Variants in PDZK1 observed in about 807,000 individuals in gnomAD.
PDZK1 encodes the protein PDZ domain containing 1, also known as Na(+)/H(+) exchange regulatory cofactor NHE-RF3.
PDZK1 carries 23 observed loss-of-function variants against 38.1 expected under a neutral mutation model. That is an observed-to-expected ratio of 0.60 (90% CI 0.43 to 0.85). The LOEUF is 0.85. PDZK1 is among the 40% of genes least tolerant of loss of function. The probability of loss-of-function intolerance (pLI) is 0.00; values close to 1 mark genes in which losing one functional copy is unlikely to be tolerated. For synonymous variants in PDZK1, 98 were observed against 186.2 expected (o/e 0.53, Z 3.86); for missense variants, 297 against 504.3 (o/e 0.59, Z 3.94).
intron 6 of PDZK1, chr1:145,674,091 T>C (rs1340457907): frequency 2.8e-6 from 2 of 712,818 alleles, no homozygotes; most frequent in African/African-American, 3.9e-5. Context: ...TGTGTATACA[T>C]GTACACAAAT....
At chr1:145,675,815 G>A (rs1383027075) in intron 6 of PDZK1, among the ~76,000 whole-genome samples, 10 of 151,382 alleles carry the variant, frequency 6.6e-5, no homozygotes, top group South Asian at 2.1e-4. Context: ...TCAGGAGTTC[G>A]AGACCAGCCT....
chr1:145,692,633 C>T (rs587744013), intron 1 of PDZK1, among the ~76,000 whole-genome samples: 1 of 151,850 alleles, frequency 6.6e-6, no homozygotes, highest in East Asian at 1.9e-4. Flanking sequence ...ATCGCTTGGA[C>T]CTGGGGGGCA....
At chr1:145,690,024 A>G in intron 1 of PDZK1, among the ~76,000 whole-genome samples, 1 of 152,362 alleles carries the variant, frequency 6.6e-6, no homozygotes, top group East Asian at 1.9e-4. Flanking sequence ...TCGAGCATTG[A>G]GGCAAGAAAA....
chr1:145,681,490 T>G (rs2624757), intron 4 of PDZK1, among the ~76,000 whole-genome samples: 6 of 149,628 alleles, frequency 4.0e-5, no homozygotes, highest in Admixed American at 6.6e-5. Context: ...GTGTTTCACC[T>G]TGTTAGCCAG....
rs1654919813 is a variant in PDZK1 at position 145,687,805 on chromosome 1, C to G, written c.210+7G>C. 3 of 1,604,202 alleles carry G rather than the reference C, an allele frequency of 1.9e-6. No individual in the cohort carries two copies. The highest frequency in any genetic ancestry group is 2.6e-6 in the Non-Finnish European group (3 of 1,170,974). On this transcript the variant is annotated splice_region_variant and intron_variant, in intron 2 of 8. Transcript: ENST00000417171. ...CCTGGAAGAAAAGCCCCAAATGTCTCATTCACCTGCATATGTTCTTCTTTG... is the reference window on the plus strand; with the variant it reads ...CCTGGAAGAAAAGCCCCAAATGTCTGATTCACCTGCATATGTTCTTCTTTG...
intron 1 of PDZK1, among the ~76,000 whole-genome samples, chr1:145,689,335 T>C (rs1187323588): frequency 1.3e-5 from 2 of 152,132 alleles, no homozygotes; most frequent in Non-Finnish European, 2.9e-5. Context: ...TGCTTCAGGC[T>C]CCCAAAGTGC....
chr1:145,679,561 C>G (rs1553699924), intron 5 of PDZK1, among the ~76,000 whole-genome samples: 1 of 152,050 alleles, frequency 6.6e-6, no homozygotes, highest in Non-Finnish European at 1.5e-5. Flanking sequence ...TGATACAGAT[C>G]TGCCTTCAGA....
At chr1:145,701,881 A>T (rs1187322442) in intron 1 of PDZK1, among the ~76,000 whole-genome samples, 1 of 152,238 alleles carries the variant, frequency 6.6e-6, no homozygotes, top group African/African-American at 2.4e-5. Flanking sequence ...GATCATATTT[A>T]AGGCTGCCTG....
chr1:145,680,166 C>T (rs1654092837), intron 5 of PDZK1, among the ~76,000 whole-genome samples: 2 of 152,140 alleles, frequency 1.3e-5, no homozygotes, highest in African/African-American at 4.8e-5. Flanking sequence ...TCATTATGGA[C>T]ATATCTCTTA....
At position 145,673,905 on chromosome 1, in the gene PDZK1, A is replaced by ACAT; in HGVS notation, c.991-27_991-25dup. The ACAT allele has an allele frequency of 5.1e-6, 7 of 1,381,362 alleles. No individual in the cohort carries two copies. In the South Asian group the frequency reaches 5.9e-5, roughly 12 times the overall value. 85.6% of individuals were successfully genotyped at this position (1,381,362 alleles called of 1,614,324 possible). On this transcript the variant is annotated intron_variant, in intron 6 of 8. Transcript: ENST00000417171. ...GCCTTTTGAAAAATAAAGGGAAAAA[A>ACAT]CATTAACTTAGTTGTAACCATGAGT...
chr1:145,699,844 A>G lies in PDZK1; in HGVS notation c.-3+7473T>C, dbSNP rs587595600. On this transcript the variant is annotated intron_variant, in intron 1 of 8. Coordinates refer to ENST00000417171, the MANE Select transcript of PDZK1 (RefSeq NM_001201325.2). Reference sequence around the variant, plus strand: ...CCTGGCTTCACCGCTTGTTAACTGTAAGAACATGGGTGAGTTCCTTAATTT... The same window carrying G: ...CCTGGCTTCACCGCTTGTTAACTGTGAGAACATGGGTGAGTTCCTTAATTT... 4.6e-5 allele frequency among the ~76,000 whole-genome samples: 7 copies of G among 152,272 alleles called. No homozygotes were observed. The East Asian group carries it at 1.4e-3, about 29-fold the overall frequency.
chr1:145,686,021 G>T (rs1282768249), intron 3 of PDZK1, among the ~76,000 whole-genome samples: 2 of 152,172 alleles, frequency 1.3e-5, no homozygotes, highest in African/African-American at 4.8e-5. Context: ...TCAAGAATTT[G>T]TTGAATAAAT....
At chr1:145,687,524 C>CAAA (rs11420111) in intron 2 of PDZK1, among the ~76,000 whole-genome samples, 5 of 64,604 alleles carry the variant, frequency 7.7e-5, no homozygotes, top group African/African-American at 1.3e-4. Context: ...AACTCCATCT[C>CAAA]AAAAAAAAAA....
Position 145,699,097 on chromosome 1 carries a change from G to C in PDZK1, c.-3+8220C>G, listed in dbSNP as rs779307268. Among the ~76,000 whole-genome samples, 4 of 152,018 alleles carry C rather than the reference G, an allele frequency of 2.6e-5. No individual in the cohort carries two copies. In the East Asian group the frequency reaches 7.7e-4, roughly 29 times the overall value. The stretch of plus-strand genomic sequence containing the variant: ...TACTAAAAATACAAAAATTAGCCAG[G>C]CTTGGTGGTGGGCATCTGTAATCCC... On this transcript the variant is annotated intron_variant, in intron 1 of 8. Transcript: ENST00000417171.
intron 1 of PDZK1, among the ~76,000 whole-genome samples, chr1:145,691,166 T>A (rs1300234109): frequency 2.0e-5 from 3 of 152,160 alleles, no homozygotes; most frequent in African/African-American, 7.2e-5. Flanking sequence ...ATTAAATATT[T>A]AACGCCCCCA....
rs782151566 is a variant in PDZK1, at chr1:145,672,706, G to T, written c.1506+24C>A. ...CCCATACTCTAGTAAATTAGATCAC[G>T]AAAAGAAATAGGCCCCCACTCACCC... On this transcript the variant is annotated intron_variant, in intron 8 of 8. Transcript: ENST00000417171. The T allele has an allele frequency of 2.5e-6, 4 of 1,611,268 alleles. No homozygotes were observed. In the Admixed American group the frequency reaches 6.7e-5, roughly 27 times the overall value.
At chr1:145,694,921 G>GGAAA (rs1196226975) in intron 1 of PDZK1, among the ~76,000 whole-genome samples, 2 of 132,572 alleles carry the variant, frequency 1.5e-5, no homozygotes, top group African/African-American at 5.8e-5. Flanking sequence ...AAAAAAAAAA[G>GGAAA]GAAAGAAAGA....
chr1:145,707,155 C>T (rs587748364), intron 1 of PDZK1, among the ~76,000 whole-genome samples, 162 bp downstream of exon 1: 1 of 152,116 alleles, frequency 6.6e-6, no homozygotes, highest in Non-Finnish European at 1.5e-5. Flanking sequence ...TCTCTCACCC[C>T]CAACCACCGC....
chr1:145,679,561 C>CT (rs782068381), intron 5 of PDZK1, among the ~76,000 whole-genome samples: 1 of 152,050 alleles, frequency 6.6e-6, no homozygotes, highest in Non-Finnish European at 1.5e-5. Flanking sequence ...TGATACAGAT[C>CT]TGCCTTCAGA....
Sources: allele counts gnomAD v4.1 joint callset (sites outside exome capture counted in the v4.1 genomes callset), GRCh38; gene constraint gnomAD v4.1.1; transcripts MANE v1.5; gene names NCBI Gene and HGNC (gene_info 2026-07-23, HGNC 2026-07-21).